Variants in RANBP2 observed in about 807,000 individuals in gnomAD.
RANBP2 encodes the protein RAN binding protein 2.
RANBP2 carries 57 observed loss-of-function variants against 303.6 expected under a neutral mutation model. The ratio of observed to expected loss-of-function variants is 0.19; its 90% confidence interval spans 0.15 to 0.23. The LOEUF (loss-of-function observed/expected upper bound fraction) is 0.23. RANBP2 is among the 10% of genes least tolerant of loss of function. RANBP2 has a pLI of 1.00. For missense variants in RANBP2, 3,138 were observed against 3,780.8 expected, an observed-to-expected ratio of 0.83 and a Z score of 4.46; for synonymous variants, 1,167 against 1,301.5, an observed-to-expected ratio of 0.90 and a Z score of 2.23.
the RANBP2 span, among the ~76,000 whole-genome samples, chr2:109,328,626 C>T: frequency 1.2e-4 from 18 of 152,142 alleles, no homozygotes; most frequent in Non-Finnish European, 2.5e-4. Context: ...ATCCAGGATG[C>T]CTAGGTCATG....
At chr2:109,676,777 G>A in the RANBP2 span, among the ~76,000 whole-genome samples, 4 of 152,102 alleles carry the variant, frequency 2.6e-5, no homozygotes, top group Non-Finnish European at 4.4e-5. Flanking sequence ...GCTCTGCCAC[G>A]CCCAGCATCA....
At chr2:108,835,981 C>T in the RANBP2 span, among the ~76,000 whole-genome samples, 1 of 152,126 alleles carries the variant, frequency 6.6e-6, no homozygotes, top group Non-Finnish European at 1.5e-5. Flanking sequence ...AGAAAGGGAG[C>T]CCAGTCCCAC....
chr2:109,595,761 A>T, the RANBP2 span, among the ~76,000 whole-genome samples: 2 of 152,252 alleles, frequency 1.3e-5, no homozygotes, highest in African/African-American at 4.8e-5. Context: ...CCTGAGTGGC[A>T]GACTGAGTAA....
At chr2:108,772,104 G>C (rs1294369190) in intron 21 of RANBP2, among the ~76,000 whole-genome samples, 2 of 152,136 alleles carry the variant, frequency 1.3e-5, no homozygotes, top group Non-Finnish European at 2.9e-5. Context: ...TGTTTTGAGG[G>C]GATTTAAAAT....
the RANBP2 span, among the ~76,000 whole-genome samples, chr2:109,266,228 G>A: frequency 6.6e-6 from 1 of 151,414 alleles, no homozygotes; most frequent in Non-Finnish European, 1.5e-5. Context: ...GTGTGTATGT[G>A]TATTCAGTGT....
the RANBP2 span, among the ~76,000 whole-genome samples, chr2:109,468,533 G>A: frequency 0.015 from 2,354 of 152,136 alleles, 52 homozygotes; most frequent in African/African-American, 0.054. Flanking sequence ...GGCAAGAAGC[G>A]AGCACAAACG....
chr2:108,835,741 AT>A, the RANBP2 span, among the ~76,000 whole-genome samples: 1 of 152,324 alleles, frequency 6.6e-6, no homozygotes, highest in South Asian at 2.1e-4. Context: ...CTCCAGAAAT[AT>A]TTTATCTTGC....
chr2:109,225,542 A>C, the RANBP2 span, among the ~76,000 whole-genome samples: 2 of 152,312 alleles, frequency 1.3e-5, no homozygotes, highest in Admixed American at 6.5e-5. Flanking sequence ...TTTTCTCCTG[A>C]GAGTTAGGCC....
chr2:108,926,038 G>C, the RANBP2 span, among the ~76,000 whole-genome samples: 1 of 152,160 alleles, frequency 6.6e-6, no homozygotes, highest in Admixed American at 6.5e-5. Flanking sequence ...ACGTATTGCT[G>C]CATGCAACAT....
chr2:109,394,914 G>C, the RANBP2 span, among the ~76,000 whole-genome samples: 1 of 152,236 alleles, frequency 6.6e-6, no homozygotes, highest in Non-Finnish European at 1.5e-5. Context: ...ATGGGTGCAC[G>C]GGAGCCGCCG....
Position 108,782,658 on chromosome 2 carries a change from A to G in RANBP2, c.9165A>G (p.Ala3055=), listed in dbSNP as rs1367083831. The part of the protein sequence containing the change: ...MKLQKGHVSL[A]AELSKETNPV... ...TCCAGAAAGGACATGTATCACTGGC[A>G]GCAGAATTATCAAAGGAGACCAATC... Residue 3055 remains alanine, a synonymous_variant, in exon 28 of 29, where the codon GCA becomes GCG. Transcript: ENST00000283195. 1 of 1,614,124 alleles carries G rather than the reference A, an allele frequency of 6.2e-7. No individual in the cohort carries two copies. The highest frequency in any genetic ancestry group is 1.3e-5 in the African/African-American group (1 of 74,936).
chr2:109,614,046 T>C, the RANBP2 span: 1 of 1,211,738 alleles, frequency 8.3e-7, no homozygotes. Flanking sequence ...GCGTTTTGCC[T>C]GCGCCAAGCG....
chr2:109,209,264 C>G, the RANBP2 span, among the ~76,000 whole-genome samples: 16 of 152,284 alleles, frequency 1.1e-4, no homozygotes, highest in East Asian at 2.7e-3. Context: ...TCATCACATT[C>G]AGAGATTCCC....
the RANBP2 span, chr2:109,504,782 G>C: frequency 1.3e-5 from 2 of 152,296 alleles, no homozygotes; most frequent in African/African-American, 4.8e-5. Flanking sequence ...TGTGTGGGGT[G>C]CACCGAATCT....
the RANBP2 span, among the ~76,000 whole-genome samples, chr2:109,652,521 T>C: frequency 1.3e-5 from 2 of 152,082 alleles, no homozygotes; most frequent in Non-Finnish European, 2.9e-5. Flanking sequence ...AGGTTTTGTC[T>C]CTCATCACCG....
At chr2:109,553,600 C>G in the RANBP2 span, among the ~76,000 whole-genome samples, 1 of 150,308 alleles carries the variant, frequency 6.7e-6, no homozygotes, top group Non-Finnish European at 1.5e-5. Flanking sequence ...CGCCTGTAAT[C>G]CCAGCACTTT....
At chr2:109,236,013 C>T in the RANBP2 span, among the ~76,000 whole-genome samples, 1 of 151,836 alleles carries the variant, frequency 6.6e-6, no homozygotes, top group Admixed American at 6.6e-5. Context: ...TTCACCTTGA[C>T]CTATTATAAT....
the RANBP2 span, among the ~76,000 whole-genome samples, chr2:109,654,906 CTT>C: frequency 1.1e-4 from 15 of 142,278 alleles, no homozygotes; most frequent in Non-Finnish European, 1.7e-4. Context: ...CTTTTCTTTT[CTT>C]TTTTTTTTTT....
the RANBP2 span, among the ~76,000 whole-genome samples, chr2:109,698,525 A>G: frequency 1.3e-5 from 2 of 151,858 alleles, no homozygotes; most frequent in African/African-American, 4.8e-5. Flanking sequence ...TCTACTTATA[A>G]TGTTTTTCTA....
Sources: gnomAD v4.1 joint callset for allele counts (sites outside exome capture counted in the v4.1 genomes callset) on GRCh38, gnomAD v4.1.1 for gene constraint, MANE v1.5 for transcripts, NCBI Gene and HGNC (gene_info 2026-07-23, HGNC 2026-07-21) for gene names.